The following USH2A variants were observed in gnomAD, a reference collection of about 807,000 sequenced individuals.
USH2A encodes Usher syndrome 2A (autosomal recessive, mild).
A neutral mutation model predicts 538.9 loss-of-function variants in USH2A; 443 were observed. That is an observed-to-expected ratio of 0.82 (90% confidence interval 0.76 to 0.89). USH2A has a LOEUF of 0.89. Ranked by LOEUF, USH2A falls within the 40% of genes least tolerant of loss-of-function variation. The pLI is 0.00. For missense variants in USH2A, 6,633 were observed against 6,324.8 expected, an observed-to-expected ratio of 1.05 and a Z score of -1.65; for synonymous variants, 2,413 against 2,273.5, an observed-to-expected ratio of 1.06 and a Z score of -1.75.
intron 38 of USH2A, among the ~76,000 whole-genome samples, chr1:215,903,473 G>A (rs1011293298): frequency 6.6e-6 from 1 of 152,014 alleles, no homozygotes; most frequent in Non-Finnish European, 1.5e-5. Context: ...CATGTTTGTT[G>A]GAAGAATCTA....
intron 21 of USH2A, among the ~76,000 whole-genome samples, chr1:216,158,637 T>A (rs1043811298): frequency 2.6e-5 from 4 of 152,208 alleles, no homozygotes; most frequent in Admixed American, 6.5e-5. Context: ...AGTCTTATAG[T>A]TAGTCTTGAT....
At chr1:216,057,368 A>G (rs2031012907) in intron 30 of USH2A, among the ~76,000 whole-genome samples, 1 of 152,142 alleles carries the variant, frequency 6.6e-6, no homozygotes. Context: ...TTCTTTCAAG[A>G]TTTACATTTA....
intron 21 of USH2A, among the ~76,000 whole-genome samples, chr1:216,140,162 T>C (rs914445294): frequency 2.6e-5 from 4 of 152,142 alleles, no homozygotes; most frequent in Non-Finnish European, 4.4e-5. Flanking sequence ...TTTAGAAACA[T>C]AGAATTTTCA....
chr1:215,671,498 C>T (rs1571945866), intron 63 of USH2A, among the ~76,000 whole-genome samples: 1 of 151,952 alleles, frequency 6.6e-6, no homozygotes, highest in Non-Finnish European at 1.5e-5. Flanking sequence ...ACTGCACTCC[C>T]GCCTGGGTGA....
intron 26 of USH2A, 119 bp downstream of exon 26, chr1:216,083,337 A>G: frequency 8.4e-7 from 1 of 1,187,940 alleles, no homozygotes; most frequent in Non-Finnish European, 1.2e-6. Flanking sequence ...GGGAAAAAAA[A>G]TGAACAAATG....
intron 4 of USH2A, among the ~76,000 whole-genome samples, chr1:216,329,152 G>A (rs1571707731): frequency 6.6e-6 from 1 of 152,274 alleles, no homozygotes; most frequent in African/African-American, 2.4e-5. Flanking sequence ...TCCAAGTGGT[G>A]TTATGAAGAC....
At chr1:216,072,856 T>G (rs1460413035) in intron 29 of USH2A, 33 bp downstream of exon 29, 2 of 1,502,652 alleles carry the variant, frequency 1.3e-6, no homozygotes, top group Non-Finnish European at 1.9e-6. Flanking sequence ...CATGTGTGTG[T>G]GTGCACATAT....
rs532430832 is a variant in USH2A, at chr1:215,638,640, G to A, written c.15052+515C>T. On this transcript the variant is annotated intron_variant, in intron 69 of 71. Coordinates refer to ENST00000307340, the MANE Select transcript of USH2A (RefSeq NM_206933.4). ...TCTCAAAAAAAAAAAAAAAAAAAGA[G>A]TGTATTGTAACTCCTTGCCTGATAT... 1.7e-4 allele frequency among the ~76,000 whole-genome samples: 21 copies of A among 123,692 alleles called. 1 individual carries two copies. The South Asian group carries it at 6.1e-3, about 36-fold the overall frequency. The allele number at this position is 123,692 out of a possible 152,430, so 81.1% of individuals were successfully genotyped here. A position where few individuals can be genotyped will look rare whatever the true frequency, so the allele number is the denominator to read the frequency against.
At chr1:215,625,899 A>G (rs764852089) in intron 71 of USH2A, 29 bp from the exon 72 acceptor site, 20 of 1,565,138 alleles carry the variant, frequency 1.3e-5, no homozygotes, top group Admixed American at 1.7e-5. Flanking sequence ...ATCATTGGCT[A>G]CATACTTGCT....
chr1:216,160,674 C>T (rs571062838), intron 21 of USH2A, among the ~76,000 whole-genome samples: 1 of 152,058 alleles, frequency 6.6e-6, no homozygotes, highest in South Asian at 2.1e-4. Context: ...CCTATGTGTT[C>T]CTCAAAAATG....
chr1:215,690,632 A>G (rs1257346132), intron 61 of USH2A, among the ~76,000 whole-genome samples: 2 of 152,152 alleles, frequency 1.3e-5, no homozygotes, highest in African/African-American at 2.4e-5. Flanking sequence ...ATTCTGATGT[A>G]CCTAGAAAAG....
intron 60 of USH2A, among the ~76,000 whole-genome samples, chr1:215,740,509 A>T (rs1334129652): frequency 6.6e-6 from 1 of 152,208 alleles, no homozygotes; most frequent in African/African-American, 2.4e-5. Context: ...ACACCATCTA[A>T]CCAGTGGAGT....
chr1:215,850,475 G>A (rs545970803), intron 44 of USH2A, among the ~76,000 whole-genome samples: 1 of 152,162 alleles, frequency 6.6e-6, no homozygotes, highest in South Asian at 2.1e-4. Flanking sequence ...GTCTATGAGG[G>A]TCTAGTTTTC....
intron 21 of USH2A, among the ~76,000 whole-genome samples, chr1:216,121,931 A>G (rs186415076): frequency 9.8e-5 from 15 of 152,344 alleles, no homozygotes; most frequent in African/African-American, 3.6e-4. Context: ...ATAAATTTGA[A>G]ATAAGGCAAG....
intron 2 of USH2A, among the ~76,000 whole-genome samples, chr1:216,419,064 C>T (rs2039630569): frequency 6.6e-6 from 1 of 152,028 alleles, no homozygotes; most frequent in Non-Finnish European, 1.5e-5. Flanking sequence ...ATTAAGTCAT[C>T]AGTGCAAAAA....
rs1282350616 is a variant in USH2A at position 216,042,796 on chromosome 1, A to C, written c.6325+3635T>G. Among the ~76,000 whole-genome samples, 5 of 152,058 alleles carry C rather than the reference A, an allele frequency of 3.3e-5. No individual in the cohort carries two copies. The South Asian group carries it at 6.2e-4, about 19-fold the overall frequency. ...AAATGACCTGAACTTAGTCCATATC[A>C]CTGATATAAAATCTGTGGTCGTAAG... On this transcript the variant is annotated intron_variant, in intron 32 of 71. Coordinates refer to ENST00000307340, the MANE Select transcript of USH2A (RefSeq NM_206933.4).
rs1217872440 is a variant in USH2A, at chr1:215,877,629, A to C, written c.8681+129T>G. The C allele has an allele frequency of 3.5e-6, 5 of 1,423,082 alleles. No individual in the cohort carries two copies. In the Admixed American group the frequency reaches 8.6e-5, roughly 24 times the overall value. The allele number at this position is 1,423,082 out of a possible 1,614,324, so 88.2% of individuals were successfully genotyped here. A position where few individuals can be genotyped will look rare whatever the true frequency, so the allele number is the denominator to read the frequency against. On this transcript the variant is annotated intron_variant, in intron 43 of 71. Coordinates refer to ENST00000307340, the MANE Select transcript of USH2A (RefSeq NM_206933.4). ...AGCTGGGTGATTAATGCCACAGATA[A>C]TAACCAAACATGTTTTATTGCATAA...
At chr1:215,866,631 C>A (rs1235503171) in intron 44 of USH2A, among the ~76,000 whole-genome samples, 13 of 152,140 alleles carry the variant, frequency 8.5e-5, no homozygotes, top group Admixed American at 8.5e-4. Flanking sequence ...TACATTGTAT[C>A]CAATTAATAC....
At chr1:215,928,825 G>A (rs1398978895) in intron 38 of USH2A, among the ~76,000 whole-genome samples, 2 of 152,068 alleles carry the variant, frequency 1.3e-5, no homozygotes, top group African/African-American at 4.8e-5. Context: ...AGCAATACCC[G>A]AAAGAATATT....
Sources: gnomAD v4.1 joint callset for allele counts (sites outside exome capture counted in the v4.1 genomes callset) on GRCh38, gnomAD v4.1.1 for gene constraint, MANE v1.5 for transcripts, NCBI Gene and HGNC (gene_info 2026-07-23, HGNC 2026-07-21) for gene names.